Variants in GLI3 observed in about 807,000 individuals in gnomAD.
GLI3 encodes the protein transcription activator GLI3.
A neutral mutation model predicts 100.8 loss-of-function variants in GLI3; 20 were observed. The ratio of observed to expected loss-of-function variants is 0.20; its 90% CI spans 0.14 to 0.29. The LOEUF (loss-of-function observed/expected upper bound fraction) is 0.29. GLI3 is among the 10% of genes least tolerant of loss of function. The probability of loss-of-function intolerance (pLI) is 1.00; values close to 1 mark genes in which losing one functional copy is unlikely to be tolerated. For synonymous variants in GLI3, 938 were observed against 860.5 expected (o/e 1.09, Z -1.58); for missense variants, 2,040 against 2,128.5 (o/e 0.96, Z 0.82).
rs116755286 is a variant in GLI3 at position 42,041,111 on chromosome 7, G to A, written c.827-872C>T. The stretch of plus-strand genomic sequence containing the variant: ...TCCAAGGCAGAGGAGAAACCCTTAC[G>A]AGCATGATAACGAGGTACAATGAAC... On this transcript the variant is annotated intron_variant, in intron 6 of 14. Transcript: ENST00000395925. Among the ~76,000 whole-genome samples the A allele has an allele frequency of 3.2e-3, 480 of 152,278 alleles. 3 individuals are homozygous for A. The highest frequency in any genetic ancestry group is 0.011 in the African/African-American group (459 of 41,552).
At chr7:42,067,371 C>G (rs760644349) in intron 4 of GLI3, among the ~76,000 whole-genome samples, 39 of 152,148 alleles carry the variant, frequency 2.6e-4, no homozygotes, top group South Asian at 8.3e-4. Context: ...TATTTCCATG[C>G]TGTCTTAAAA....
In GLI3 at chr7:41,968,763, G is replaced by GGAAAGAAAGAAA. The variant is rs71006451; in HGVS notation, c.2104-852_2104-841dup. On this transcript the variant is annotated intron_variant, in intron 13 of 14. Coordinates refer to ENST00000395925, the MANE Select transcript of GLI3 (RefSeq NM_000168.6). ...AAGAAAGAAAGAAAGAAAGAAAGAA[G>GGAAAGAAAGAAA]GAAAGAAAGAAAGAAAGAAAGAAAG... Among the ~76,000 whole-genome samples the GGAAAGAAAGAAA allele has an allele frequency of 1.2e-3, 69 of 56,736 alleles. 5 individuals are homozygous for GGAAAGAAAGAAA. The highest frequency in any genetic ancestry group is 3.2e-3 in the African/African-American group (39 of 12,332). 37.2% of individuals were successfully genotyped at this position (56,736 alleles called of 152,430 possible). A position where few individuals can be genotyped will look rare whatever the true frequency, so the allele number is the denominator to read the frequency against.
chr7:42,238,981 G>C (rs1167608280), upstream of GLI3, among the ~76,000 whole-genome samples: 1 of 152,230 alleles, frequency 6.6e-6, no homozygotes, highest in African/African-American at 2.4e-5. Context: ...ATGCTTAACT[G>C]AAGAATCTTT....
intron 2 of GLI3, among the ~76,000 whole-genome samples, chr7:42,182,683 C>T (rs11760695): frequency 0.35 from 18,788 of 54,238 alleles, 2,490 homozygotes; most frequent in Middle Eastern, 0.41. Context: ...TATATATATA[C>T]ACATGTGTGT....
intron 6 of GLI3, among the ~76,000 whole-genome samples, chr7:42,040,893 A>G (rs574374276): frequency 1.3e-5 from 2 of 152,276 alleles, no homozygotes; most frequent in East Asian, 3.9e-4. Context: ...AGCAGATGCT[A>G]CTGGAATCTA....
intron 3 of GLI3, among the ~76,000 whole-genome samples, chr7:42,134,495 G>A (rs948539494): frequency 2.1e-4 from 32 of 152,000 alleles, no homozygotes; most frequent in African/African-American, 6.0e-4. Flanking sequence ...TAGCTCAGAG[G>A]GCAAACCCAC....
At chr7:41,977,809 GAT>G (rs1787549533) in intron 11 of GLI3, 87 bp from the exon 12 acceptor site, 1 of 1,209,932 alleles carries the variant, frequency 8.3e-7, no homozygotes, top group Non-Finnish European at 1.2e-6. Flanking sequence ...ATGAAAAACT[GAT>G]GTTTCAAGGG....
chr7:41,972,889 A>T lies in GLI3; in HGVS notation c.1813-262T>A. Among the ~76,000 whole-genome samples, 1 of 152,122 alleles carries T rather than the reference A, an allele frequency of 6.6e-6. No homozygotes were observed. The highest frequency in any genetic ancestry group is 6.5e-5 in the Admixed American group (1 of 15,270). On this transcript the variant is annotated intron_variant, in intron 12 of 14. Coordinates refer to ENST00000395925, the MANE Select transcript of GLI3 (RefSeq NM_000168.6). The surrounding 1 kb of genome is among the most constrained non-coding windows in gnomAD (Gnocchi z 4.4). ...AACTAAGAATGTGTAAATTGCCTTG[A>T]TGTTCTTGGAAGCATTTACACTGTG...
At position 42,202,382 on chromosome 7, in the gene GLI3, A is replaced by T. The variant is rs10234930; in HGVS notation, c.124+20748T>A. Among the ~76,000 whole-genome samples, 911 of 135,522 alleles carry T rather than the reference A, an allele frequency of 6.7e-3. 9 individuals carry two copies. The highest frequency in any genetic ancestry group is 0.023 in the African/African-American group (858 of 37,282). The allele number at this position is 135,522 out of a possible 152,430, so 88.9% of individuals were successfully genotyped here. Reference sequence around the variant, plus strand: ...CACACACACACACACACACACACACACTCACACACACACAGGGCAAATCAG... The same window carrying T: ...CACACACACACACACACACACACACTCTCACACACACACAGGGCAAATCAG... On this transcript the variant is annotated intron_variant, in intron 2 of 14. Transcript: ENST00000395925.
chr7:42,004,484 T>G (rs1788392954), intron 10 of GLI3, among the ~76,000 whole-genome samples: 1 of 152,092 alleles, frequency 6.6e-6, no homozygotes, highest in Non-Finnish European at 1.5e-5. Flanking sequence ...AGTATACCTT[T>G]GCTATTAAAA....
rs770724350 is a variant in GLI3, at chr7:41,966,502, G to A, written c.2571C>T (p.Ala857=). 3 of 1,613,560 alleles carry A rather than the reference G, an allele frequency of 1.9e-6. No individual in the cohort carries two copies. The highest frequency in any genetic ancestry group is 2.5e-6 in the Non-Finnish European group (3 of 1,179,966). Residue 857 remains alanine (A), a synonymous_variant, in exon 15 of 15, where the codon GCC becomes GCT. Coordinates refer to ENST00000395925, the MANE Select transcript of GLI3 (RefSeq NM_000168.6). This position sits in a 1 kb window ranked among gnomAD's most constrained non-coding sequence, Gnocchi z 5.8. ...CTGAGGAGCGGCGGCTGCTCAGGTA[G>A]GCCGAGCTGATGGTGCTGGCGCTGC... ...RDSSASTISS[A]YLSSRRSSGI... is the part of the protein sequence containing the mutation.
intron 10 of GLI3, among the ~76,000 whole-genome samples, chr7:42,017,271 A>C (rs1788791095): frequency 6.6e-6 from 1 of 152,232 alleles, no homozygotes; most frequent in South Asian, 2.1e-4. Flanking sequence ...AGAATCTAGA[A>C]TCTCACCTAA....
chr7:42,223,953 G>T (rs1788537827), intron 1 of GLI3, among the ~76,000 whole-genome samples: 1 of 152,208 alleles, frequency 6.6e-6, no homozygotes. Flanking sequence ...TAAGACAAAG[G>T]TAATAGAACA....
At chr7:42,198,543 G>A (rs892369437) in intron 2 of GLI3, among the ~76,000 whole-genome samples, 3 of 152,154 alleles carry the variant, frequency 2.0e-5, no homozygotes, top group East Asian at 1.9e-4. Flanking sequence ...TCACAGGCCA[G>A]GACAAGTTCT....
chr7:42,195,462 C>T (rs1287544689), intron 2 of GLI3, among the ~76,000 whole-genome samples: 6 of 152,166 alleles, frequency 3.9e-5, no homozygotes, highest in Admixed American at 3.9e-4. Context: ...AACATAACCT[C>T]CCTTTGTACC....
chr7:42,238,245 T>C (rs973268192), upstream of GLI3, among the ~76,000 whole-genome samples: 4 of 151,956 alleles, frequency 2.6e-5, no homozygotes, highest in Admixed American at 2.6e-4. Flanking sequence ...CTGGCACTCG[T>C]GCTGCGTCCT....
At chr7:42,194,033 C>T (rs972516436) in intron 2 of GLI3, among the ~76,000 whole-genome samples, 2 of 152,260 alleles carry the variant, frequency 1.3e-5, no homozygotes, top group South Asian at 2.1e-4. Flanking sequence ...TGTGGACTTT[C>T]GCTTTTACTT....
intron 4 of GLI3, among the ~76,000 whole-genome samples, chr7:42,054,429 A>G (rs1037001558): frequency 1.3e-5 from 2 of 152,230 alleles, no homozygotes; most frequent in African/African-American, 4.8e-5. Context: ...ATTTGCTCGC[A>G]CATTGCTTGG....
intron 4 of GLI3, among the ~76,000 whole-genome samples, chr7:42,057,086 C>T (rs969538277): frequency 1.3e-5 from 2 of 152,062 alleles, no homozygotes; most frequent in Non-Finnish European, 2.9e-5. Context: ...GCCATTCACT[C>T]TATCCAAGCT....
Sources: allele counts gnomAD v4.1 joint callset (sites outside exome capture counted in the v4.1 genomes callset), GRCh38; gene constraint gnomAD v4.1.1; non-coding constraint Gnocchi (gnomAD v3.1); transcripts MANE v1.5; gene names NCBI Gene and HGNC (gene_info 2026-07-23, HGNC 2026-07-21).